The following C8orf34 variants were observed in gnomAD, a reference collection of about 807,000 sequenced individuals.
C8orf34 encodes the protein chromosome 8 open reading frame 34, also known as uncharacterized protein C8orf34.
In C8orf34, 65 loss-of-function variants were observed where a neutral mutation model predicts 68.3. The observed-to-expected ratio is 0.95, with a 90% CI of 0.78 to 1.17. The LOEUF is 1.17. Among genes scored for constraint, C8orf34 ranks in the 50% most tolerant of loss-of-function variants. The probability of loss-of-function intolerance (pLI) is 0.00; values close to 1 mark genes in which losing one functional copy is unlikely to be tolerated. For missense variants in C8orf34, 664 were observed against 655.4 expected (o/e 1.01, Z -0.14); for synonymous variants, 244 against 241.2 (o/e 1.01, Z -0.11).
chr8:68,376,734 A>G (rs1193181381), intron 1 of C8orf34, among the ~76,000 whole-genome samples: 1 of 151,986 alleles, frequency 6.6e-6, no homozygotes, highest in Non-Finnish European at 1.5e-5. Context: ...ATGCCTTTTG[A>G]AGGAAACCCA....
chr8:68,342,000 A>G (rs1425904609), intron 1 of C8orf34, among the ~76,000 whole-genome samples: 1 of 152,212 alleles, frequency 6.6e-6, no homozygotes, highest in Admixed American at 6.5e-5. Flanking sequence ...TCTGGGCTCT[A>G]TTTTATAGCA....
chr8:68,680,476 C>T (rs1321948628), intron 8 of C8orf34, among the ~76,000 whole-genome samples: 6 of 152,080 alleles, frequency 3.9e-5, no homozygotes, highest in South Asian at 2.1e-4. Context: ...TTGGTAAGAC[C>T]GTGATGCCCC....
At chr8:68,564,741 T>C (rs1816533885) in intron 7 of C8orf34, among the ~76,000 whole-genome samples, 1 of 152,210 alleles carries the variant, frequency 6.6e-6, no homozygotes, top group Non-Finnish European at 1.5e-5. Context: ...GGTTTGTCAA[T>C]TTCCCAGATG....
At chr8:68,465,779 C>T (rs944551623) in intron 3 of C8orf34, among the ~76,000 whole-genome samples, 1 of 144,648 alleles carries the variant, frequency 6.9e-6, no homozygotes. Context: ...GGAAGGGGAA[C>T]ATCACACTCT....
At position 68,809,547 on chromosome 8, in the gene C8orf34, A is replaced by T. The variant is rs147865113; in HGVS notation, c.1550-6339A>T. On this transcript the variant is annotated intron_variant, in intron 12 of 13. Transcript: ENST00000518698. ...GTCCCAGCTACTGAGAGGCTGAGGCAAGAGCCCAGGAGTTGGAGTCCAGCT... is the reference window on the plus strand; with the variant it reads ...GTCCCAGCTACTGAGAGGCTGAGGCTAGAGCCCAGGAGTTGGAGTCCAGCT... Among the ~76,000 whole-genome samples the T allele has an allele frequency of 2.0e-5, 3 of 152,294 alleles. No individual in the cohort carries two copies. The East Asian group carries it at 5.8e-4, about 30-fold the overall frequency.
chr8:68,458,562 A>G (rs907792212), intron 3 of C8orf34, among the ~76,000 whole-genome samples: 4 of 152,262 alleles, frequency 2.6e-5, no homozygotes, highest in Non-Finnish European at 5.9e-5. Flanking sequence ...AGTGATACAG[A>G]TTGCAGATTA....
chr8:68,549,447 A>C (rs1367265204), intron 7 of C8orf34, among the ~76,000 whole-genome samples: 1 of 151,780 alleles, frequency 6.6e-6, no homozygotes, highest in East Asian at 1.9e-4. Flanking sequence ...GATTGACTTG[A>C]TATTAGCATA....
At chr8:68,793,166 C>T (rs542131853) in intron 12 of C8orf34, among the ~76,000 whole-genome samples, 27 of 152,044 alleles carry the variant, frequency 1.8e-4, no homozygotes, top group African/African-American at 6.3e-4. Context: ...TGTAAAAATA[C>T]AGAATATCAC....
At chr8:68,465,168 G>C (rs1812055632) in intron 3 of C8orf34, among the ~76,000 whole-genome samples, 1 of 152,102 alleles carries the variant, frequency 6.6e-6, no homozygotes, top group African/African-American at 2.4e-5. Context: ...CACAAAAGAA[G>C]ACAATTATGC....
intron 8 of C8orf34, among the ~76,000 whole-genome samples, chr8:68,674,412 G>C (rs887046638): frequency 2.0e-5 from 3 of 152,112 alleles, no homozygotes; most frequent in African/African-American, 7.2e-5. Context: ...AGATAACACA[G>C]AGGGAATTTA....
chr8:68,382,257 T>C (rs1808074955), intron 1 of C8orf34, among the ~76,000 whole-genome samples: 1 of 152,234 alleles, frequency 6.6e-6, no homozygotes, highest in Non-Finnish European at 1.5e-5. Context: ...ATGTGCACAA[T>C]TTAAGACATT....
intron 4 of C8orf34, 140 bp from the exon 5 acceptor site, chr8:68,487,883 A>T: frequency 1.8e-6 from 1 of 566,478 alleles, no homozygotes; most frequent in Non-Finnish European, 3.2e-6. Flanking sequence ...GATGTGCCAC[A>T]TTATTTTGAA....
intron 12 of C8orf34, among the ~76,000 whole-genome samples, chr8:68,800,902 A>G (rs776243533): frequency 5.1e-4 from 78 of 152,188 alleles, no homozygotes; most frequent in Admixed American, 1.5e-3. Flanking sequence ...AATCCAAAAT[A>G]AAGAATTCAG....
rs548790695 is a variant in C8orf34 at position 68,629,958 on chromosome 8, T to A, written c.1106-10418T>A. Reference sequence around the variant, plus strand: ...AATAATTTTAAAATATTCTTTTGAATAGAATCAATAATATGATTGCATTTA... The same window carrying A: ...AATAATTTTAAAATATTCTTTTGAAAAGAATCAATAATATGATTGCATTTA... On this transcript the variant is annotated intron_variant, in intron 7 of 13. Transcript: ENST00000518698. Among the ~76,000 whole-genome samples, 7 of 152,238 alleles carry A rather than the reference T, an allele frequency of 4.6e-5. No homozygotes were observed. In the South Asian group the frequency reaches 8.3e-4, roughly 18 times the overall value.
intron 6 of C8orf34, among the ~76,000 whole-genome samples, chr8:68,522,176 G>C (rs550447786): frequency 6.6e-6 from 1 of 152,094 alleles, no homozygotes. Context: ...GTGTTGATTT[G>C]TTTTCTTCAA....
intron 5 of C8orf34, among the ~76,000 whole-genome samples, chr8:68,496,712 A>G (rs1178821526): frequency 6.6e-6 from 1 of 152,032 alleles, no homozygotes; most frequent in African/African-American, 2.4e-5. Context: ...ATTTCTGTTT[A>G]TTTCTCCCCA....
intron 6 of C8orf34, among the ~76,000 whole-genome samples, chr8:68,526,111 C>T (rs941631461): frequency 2.2e-4 from 34 of 151,854 alleles, no homozygotes; most frequent in African/African-American, 6.3e-4. Flanking sequence ...GTGTGCCCCA[C>T]CATGCCCAGC....
intron 12 of C8orf34, among the ~76,000 whole-genome samples, chr8:68,797,785 G>A (rs538467898): frequency 1.3e-5 from 2 of 152,272 alleles, no homozygotes; most frequent in East Asian, 3.9e-4. Context: ...TAGTCAATTA[G>A]GTCAGATAAG....
chr8:68,345,488 T>C lies in C8orf34; in HGVS notation c.327+14149T>C, dbSNP rs183415061. Among the ~76,000 whole-genome samples the C allele has an allele frequency of 6.2e-4, 95 of 152,028 alleles. 1 individual carries two copies. In the Middle Eastern group the frequency reaches 0.017, roughly 27 times the overall value. The stretch of plus-strand genomic sequence containing the variant: ...CCCTTAGGAGTACACATTAAATTGG[T>C]AAAATAAGGAGGAACTGAATAACCA... On this transcript the variant is annotated intron_variant, in intron 1 of 13. Coordinates refer to ENST00000518698, the MANE Select transcript of C8orf34 (RefSeq NM_052958.4).
Sources: allele counts gnomAD v4.1 joint callset (sites outside exome capture counted in the v4.1 genomes callset), GRCh38; gene constraint gnomAD v4.1.1; transcripts MANE v1.5; gene names NCBI Gene and HGNC (gene_info 2026-07-23, HGNC 2026-07-21).